Variants in CRACD observed in about 807,000 individuals in gnomAD.
The protein encoded by CRACD is capping protein-inhibiting regulator of actin dynamics.
CRACD carries 56 observed loss-of-function variants against 106.8 expected under a neutral mutation model. That is an observed-to-expected ratio of 0.52 (90% CI 0.42 to 0.66). The LOEUF is 0.66. CRACD is among the 30% of genes least tolerant of loss of function. The pLI is 0.00. For missense variants in CRACD, 1,730 were observed against 1,623.2 expected (o/e 1.07, Z -1.13); for synonymous variants, 754 against 670.8 (o/e 1.12, Z -1.92).
intron 2 of CRACD, among the ~76,000 whole-genome samples, chr4:56,247,266 T>C (rs1740737074): frequency 7.7e-6 from 1 of 130,404 alleles, no homozygotes; most frequent in Admixed American, 7.6e-5. Flanking sequence ...AGCTCTTGAG[T>C]CTGTCTTAGT....
chr4:56,130,813 G>A (rs1428228408), intron 1 of CRACD, among the ~76,000 whole-genome samples: 1 of 151,814 alleles, frequency 6.6e-6, no homozygotes, highest in African/African-American at 2.4e-5. Context: ...CTTTTCCTGG[G>A]CACTGTCTCC....
chr4:56,257,323 C>A (rs926911307), intron 2 of CRACD, among the ~76,000 whole-genome samples: 1 of 151,956 alleles, frequency 6.6e-6, no homozygotes, highest in Middle Eastern at 3.2e-3. Flanking sequence ...CTCAGGTGAT[C>A]CACCTGCCTT....
intron 1 of CRACD, among the ~76,000 whole-genome samples, chr4:56,149,256 A>G (rs948434683): frequency 6.6e-6 from 1 of 152,168 alleles, no homozygotes; most frequent in Non-Finnish European, 1.5e-5. Flanking sequence ...CTGCTAGGCC[A>G]GTGCTGCCAA....
intron 2 of CRACD, among the ~76,000 whole-genome samples, chr4:56,220,284 G>T (rs1222602572): frequency 6.6e-6 from 1 of 152,210 alleles, no homozygotes; most frequent in African/African-American, 2.4e-5. Flanking sequence ...TGGGAGATTA[G>T]CACAGGGATC....
chr4:56,105,645 A>G (rs1444378851), intron 1 of CRACD, among the ~76,000 whole-genome samples: 1 of 152,156 alleles, frequency 6.6e-6, no homozygotes, highest in African/African-American at 2.4e-5. Context: ...TTATGTTGTT[A>G]TTATTATTAT....
chr4:56,285,620 A>C (rs1252278320), intron 3 of CRACD, among the ~76,000 whole-genome samples: 1 of 151,784 alleles, frequency 6.6e-6, no homozygotes. Context: ...TTTATTTTTT[A>C]TTTTTAGAGA....
At chr4:56,308,877 C>T in intron 5 of CRACD, 2 of 1,288,886 alleles carry the variant, frequency 1.6e-6, no homozygotes, top group Non-Finnish European at 1.0e-6. Context: ...TATTGATGAG[C>T]TCATAAGTGC....
chr4:56,090,819 G>T (rs183213701), intron 1 of CRACD, among the ~76,000 whole-genome samples: 1 of 152,260 alleles, frequency 6.6e-6, no homozygotes, highest in Admixed American at 6.5e-5. Flanking sequence ...TCCTGAAGGA[G>T]TGGAGGAAGC....
At chr4:56,148,282 T>TA (rs35842210) in intron 1 of CRACD, among the ~76,000 whole-genome samples, 20 of 85,794 alleles carry the variant, frequency 2.3e-4, no homozygotes, top group Middle Eastern at 5.4e-3. Flanking sequence ...GTTTTTTTTT[T>TA]AAAAAAAAAA....
chr4:56,300,326 G>A (rs1461640941), intron 4 of CRACD, among the ~76,000 whole-genome samples: 1 of 146,408 alleles, frequency 6.8e-6, no homozygotes, highest in Non-Finnish European at 1.5e-5. Flanking sequence ...AGGTCTTGAT[G>A]CCTGCTGCCA....
chr4:56,314,738 G>A lies in CRACD; in HGVS notation c.1236G>A (p.Leu412=). The part of the protein sequence containing the change: ...GEEEEEGQAH[L]EDWRGQLSEL... ...AGGAGGAGGAGGGCCAGGCGCACCTGGAGGACTGGAGGGGGCAGCTCAGTG... is the reference window on the plus strand; with the variant it reads ...AGGAGGAGGAGGGCCAGGCGCACCTAGAGGACTGGAGGGGGCAGCTCAGTG... The change falls in exon 8 of 11, where the codon CTG becomes CTA. Residue 412 remains leucine, a synonymous_variant. Coordinates refer to ENST00000682029, the MANE Select transcript of CRACD (RefSeq NM_001393381.1). This position sits in a 1 kb window ranked among gnomAD's most constrained non-coding sequence, Gnocchi z 4.4. 1 of 1,580,118 alleles carries A rather than the reference G, an allele frequency of 6.3e-7. No homozygotes were observed. The highest frequency in any genetic ancestry group is 8.6e-7 in the Non-Finnish European group (1 of 1,163,912).
intron 3 of CRACD, among the ~76,000 whole-genome samples, chr4:56,294,403 T>TAA (rs1560522367): frequency 6.6e-6 from 1 of 152,022 alleles, no homozygotes; most frequent in African/African-American, 2.4e-5. Flanking sequence ...ACCAAATATA[T>TAA]AAGAATAAAC....
At chr4:56,310,528 C>A in intron 5 of CRACD, 138 bp from the exon 6 acceptor site, 1 of 645,720 alleles carries the variant, frequency 1.5e-6, no homozygotes, top group Non-Finnish European at 2.8e-6. Flanking sequence ...TCCACTGGGA[C>A]ACCTGCTGGC....
chr4:56,308,375 A>G (rs1333949467), intron 5 of CRACD, among the ~76,000 whole-genome samples: 1 of 152,120 alleles, frequency 6.6e-6, no homozygotes, highest in African/African-American at 2.4e-5. Flanking sequence ...AAAGCAGCAG[A>G]AAAGATGCCC....
At chr4:56,274,148 A>T (rs966752861) in intron 3 of CRACD, among the ~76,000 whole-genome samples, 1 of 152,264 alleles carries the variant, frequency 6.6e-6, no homozygotes, top group Non-Finnish European at 1.5e-5. Context: ...AGGAGAGCAC[A>T]GCTAGTGCTA....
In CRACD at chr4:56,298,319, C is replaced by T. The variant is rs754657206; in HGVS notation, c.90C>T (p.Asp30=). The stretch of plus-strand genomic sequence containing the variant: ...AGACAGTTCAAGCAATGTCACAGGA[C>T]AACATCCTGGGCAAAGTCAAAACTC... ...SEQTVQAMSQ[D]NILGKVKTLQ... Residue 30 remains aspartate, a synonymous_variant, in exon 4 of 11, where the codon GAC becomes GAT. Transcript: ENST00000682029. The T allele has an allele frequency of 6.2e-7, 1 of 1,614,108 alleles. No homozygotes were observed. Among genetic ancestry groups the T allele is most frequent in the East Asian group, 2.2e-5 (1 of 44,878 alleles).
intron 10 of CRACD, among the ~76,000 whole-genome samples, chr4:56,325,899 G>GT (rs972652366): frequency 2.0e-5 from 3 of 152,112 alleles, no homozygotes; most frequent in Non-Finnish European, 2.9e-5. Flanking sequence ...CTTTATATTT[G>GT]TTTTTTAGTT....
At chr4:56,170,702 A>G (rs540295136) in intron 1 of CRACD, among the ~76,000 whole-genome samples, 5 of 152,186 alleles carry the variant, frequency 3.3e-5, no homozygotes, top group Admixed American at 6.5e-5. Flanking sequence ...TTAGCCAGGC[A>G]TGGTGGTGTG....
chr4:56,166,291 G>A (rs1212160548), intron 1 of CRACD, among the ~76,000 whole-genome samples: 1 of 152,128 alleles, frequency 6.6e-6, no homozygotes, highest in Non-Finnish European at 1.5e-5. Flanking sequence ...AAAGTTATGT[G>A]CAGCAAAGAT....
Sources: allele counts gnomAD v4.1 joint callset (sites outside exome capture counted in the v4.1 genomes callset), GRCh38; gene constraint gnomAD v4.1.1; non-coding constraint Gnocchi (gnomAD v3.1); transcripts MANE v1.5; gene names NCBI Gene and HGNC (gene_info 2026-07-23, HGNC 2026-07-21).